The following GRIP1 variants were observed in gnomAD, a reference collection of about 807,000 sequenced individuals.
The protein encoded by GRIP1 is glutamate receptor interacting protein 1, also known as glutamate receptor-interacting protein 1.
Under a neutral mutation model 129.9 loss-of-function variants are expected in GRIP1, and 45 were observed. The ratio of observed to expected loss-of-function variants is 0.35; its 90% CI spans 0.27 to 0.44. The LOEUF (loss-of-function observed/expected upper bound fraction) is 0.44. Ranked by LOEUF, GRIP1 falls within the 20% of genes least tolerant of loss-of-function variation. The probability of loss-of-function intolerance (pLI) is 1.00; values close to 1 mark genes in which losing one functional copy is unlikely to be tolerated. For missense variants in GRIP1, 1,196 were observed against 1,396.8 expected (o/e 0.86, Z 2.29); for synonymous variants, 530 against 520.8 (o/e 1.02, Z -0.24).
At chr12:67,015,315 A>G (rs536197986) in intron 1 of GRIP1, among the ~76,000 whole-genome samples, 1 of 152,310 alleles carries the variant, frequency 6.6e-6, no homozygotes, top group Admixed American at 6.5e-5. Context: ...TAGCAAGCTT[A>G]GGGGGCTCTT....
intron 1 of GRIP1, among the ~76,000 whole-genome samples, chr12:66,597,134 T>G (rs1044029946): frequency 4.6e-5 from 7 of 152,150 alleles, no homozygotes; most frequent in Admixed American, 2.0e-4. Flanking sequence ...AAAAGAGAGA[T>G]AAAATTCTCA....
intron 14 of GRIP1, among the ~76,000 whole-genome samples, chr12:66,429,074 C>T (rs2058068923): frequency 6.6e-6 from 1 of 152,174 alleles, no homozygotes; most frequent in African/African-American, 2.4e-5. Flanking sequence ...TGCTAATATG[C>T]TGCAAATGTG....
At chr12:66,540,080 T>C (rs574504931) in intron 3 of GRIP1, among the ~76,000 whole-genome samples, 5 of 152,362 alleles carry the variant, frequency 3.3e-5, no homozygotes, top group South Asian at 2.1e-4. Context: ...AGTACATGCA[T>C]GGCCCTTACC....
intron 1 of GRIP1, among the ~76,000 whole-genome samples, chr12:66,771,764 A>G (rs2037826423): frequency 6.6e-6 from 1 of 152,206 alleles, no homozygotes; most frequent in Non-Finnish European, 1.5e-5. Context: ...TGTAATGAAT[A>G]AGAAATGTTA....
chr12:66,804,224 A>C (rs962697635), upstream of GRIP1: 3 of 436,164 alleles, frequency 6.9e-6, no homozygotes, highest in African/African-American at 6.0e-5. Flanking sequence ...CTAGCACAAG[A>C]GCACAGCAAC....
At chr12:66,402,069 G>A (rs997856059) in intron 16 of GRIP1, among the ~76,000 whole-genome samples, 3 of 152,090 alleles carry the variant, frequency 2.0e-5, no homozygotes, top group East Asian at 1.9e-4. Flanking sequence ...CCTTGCACAC[G>A]TTATGCTTGA....
At chr12:66,707,109 C>T (rs2035556960) in intron 1 of GRIP1, among the ~76,000 whole-genome samples, 1 of 151,690 alleles carries the variant, frequency 6.6e-6, no homozygotes, top group African/African-American at 2.4e-5. Context: ...ACAAACTCAG[C>T]CACCTTTCAA....
At chr12:66,436,517 A>G (rs907087302) in intron 13 of GRIP1, among the ~76,000 whole-genome samples, 2 of 152,252 alleles carry the variant, frequency 1.3e-5, no homozygotes, top group African/African-American at 4.8e-5. Context: ...TAAATTGTGC[A>G]TATATTATGG....
chr12:66,437,462 T>C (rs989778680), intron 13 of GRIP1, among the ~76,000 whole-genome samples: 6 of 152,180 alleles, frequency 3.9e-5, no homozygotes, highest in Admixed American at 2.6e-4. Context: ...TTCTGTATTA[T>C]TGCCATCTAT....
At chr12:66,974,546 CAT>C (rs2137590512) in intron 1 of GRIP1, among the ~76,000 whole-genome samples, 1 of 152,230 alleles carries the variant, frequency 6.6e-6, no homozygotes, top group African/African-American at 2.4e-5. Context: ...TAAAAATGAA[CAT>C]AATTTTGACA....
chr12:66,526,359 C>T (rs1161100408), intron 5 of GRIP1, among the ~76,000 whole-genome samples: 2 of 152,146 alleles, frequency 1.3e-5, no homozygotes, highest in Non-Finnish European at 2.9e-5. Flanking sequence ...GAACAGAGCC[C>T]TCAGAAATAA....
intron 4 of GRIP1, among the ~76,000 whole-genome samples, chr12:66,532,658 T>C (rs1244516719): frequency 2.0e-5 from 3 of 152,146 alleles, no homozygotes; most frequent in Non-Finnish European, 4.4e-5. Context: ...GTTTTCCCTC[T>C]GCCATTGCCA....
intron 1 of GRIP1, among the ~76,000 whole-genome samples, chr12:66,672,167 C>T (rs1201859479): frequency 2.6e-5 from 4 of 152,302 alleles, no homozygotes; most frequent in African/African-American, 9.6e-5. Flanking sequence ...ATGATGACAA[C>T]ATATCTTTAG....
At position 66,459,457 on chromosome 12, in the gene GRIP1, G is replaced by A. The variant is rs558441175; in HGVS notation, c.1043-3115C>T. Among the ~76,000 whole-genome samples, 27 of 152,094 alleles carry A rather than the reference G, an allele frequency of 1.8e-4. No homozygotes were observed. The South Asian group carries it at 3.5e-3, about 20-fold the overall frequency. On this transcript the variant is annotated intron_variant, in intron 9 of 24. Coordinates refer to ENST00000359742, the MANE Select transcript of GRIP1 (RefSeq NM_001366722.1). ...AGCCAGGGTACGGTGAATGCACTTC[G>A]GGATTCTACACCCACCTTTTGACCC...
rs2035945039 is a variant in GRIP1, at chr12:66,717,995, A to G, written c.-420+86058T>C. Among the ~76,000 whole-genome samples the G allele has an allele frequency of 2.0e-5, 3 of 152,088 alleles. No individual in the cohort carries two copies. In the South Asian group the frequency reaches 6.2e-4, roughly 32 times the overall value. ...TCCTGGACATAGGAACAATGATCAA[A>G]TCAGTGCTGTGCAGGGTCATCACAA... is the stretch of plus-strand genomic sequence containing the variant. On this transcript the variant is annotated intron_variant, in intron 1 of 4. Transcript: ENST00000538373.
At chr12:66,620,707 T>G (rs1206261784) in intron 1 of GRIP1, among the ~76,000 whole-genome samples, 1 of 151,886 alleles carries the variant, frequency 6.6e-6, no homozygotes, top group Non-Finnish European at 1.5e-5. Context: ...CCTTCCTGCC[T>G]TCCTTCCTTC....
chr12:66,550,675 ATT>A (rs1026046857), intron 2 of GRIP1, among the ~76,000 whole-genome samples: 1 of 152,204 alleles, frequency 6.6e-6, no homozygotes, highest in Non-Finnish European at 1.5e-5. Flanking sequence ...CTGGAGTGAC[ATT>A]TTATAATTCG....
intron 1 of GRIP1, among the ~76,000 whole-genome samples, chr12:66,691,424 C>A (rs188053055): frequency 7.4e-4 from 113 of 152,256 alleles, no homozygotes; most frequent in South Asian, 2.9e-3. Context: ...ATTAAAAATA[C>A]AACAGGGAGG....
intron 2 of GRIP1, among the ~76,000 whole-genome samples, chr12:66,578,685 G>A: frequency 6.6e-6 from 1 of 152,220 alleles, no homozygotes. Context: ...CAAACTGCAA[G>A]GTGGCAGCGA....
Sources: allele counts gnomAD v4.1 joint callset (sites outside exome capture counted in the v4.1 genomes callset), GRCh38; gene constraint gnomAD v4.1.1; transcripts MANE v1.5; gene names NCBI Gene and HGNC (gene_info 2026-07-23, HGNC 2026-07-21).